Variants in ANKRD24 observed in about 807,000 individuals in gnomAD.
ANKRD24 encodes the protein ankyrin repeat domain 24, also known as ankyrin repeat domain-containing protein 24.
Under a neutral mutation model 127.8 loss-of-function variants are expected in ANKRD24, and 109 were observed. The ratio of observed to expected loss-of-function variants is 0.85; its 90% CI spans 0.73 to 1.00. The LOEUF is 1.00. ANKRD24 is among the 50% of genes least tolerant of loss of function. ANKRD24 has a pLI of 0.00. For missense variants in ANKRD24, 1,648 were observed against 1,570.2 expected (o/e 1.05, Z -0.84); for synonymous variants, 743 against 671.1 (o/e 1.11, Z -1.66).
intron 2 of ANKRD24, among the ~76,000 whole-genome samples, chr19:4,197,008 C>T (rs1476494045): frequency 1.3e-5 from 2 of 152,150 alleles, no homozygotes; most frequent in Admixed American, 6.6e-5. Flanking sequence ...AGGAACGAGT[C>T]ACAGTTTTAT....
chr19:4,207,506 C>T lies in ANKRD24; in HGVS notation c.543C>T (p.Gly181=), dbSNP rs764453707. The T allele has an allele frequency of 4.3e-6, 7 of 1,613,638 alleles. No individual in the cohort carries two copies. Among genetic ancestry groups the T allele is most frequent in the African/African-American group, 1.3e-5 (1 of 74,904 alleles). ...TCCCTCCTCCTCCCTACCAGTCAGG[C>T]GCAACACCCCTCATTATAGCAGCTC... ...KAHLNPQDRS[G]ATPLIIAAQM... Residue 181 remains glycine (G), a synonymous_variant, in exon 9 of 22, where the codon GGC becomes GGT. Coordinates refer to ENST00000318934, the MANE Select transcript of ANKRD24 (RefSeq NM_001393985.1).
chr19:4,223,425 C>T (rs562076670), intron 20 of ANKRD24, among the ~76,000 whole-genome samples: 92 of 99,790 alleles, frequency 9.2e-4, no homozygotes, highest in Non-Finnish European at 1.6e-3. Context: ...TTTTTTGAGC[C>T]AGTCTCACTC....
At position 4,217,754 on chromosome 19, in the gene ANKRD24, A is replaced by AGCAGCAGCGCACGGCGGC; in HGVS notation, c.2595_2612dup (p.Gln866_Ala871dup). 1 of 1,299,502 alleles carries AGCAGCAGCGCACGGCGGC rather than the reference A, an allele frequency of 7.7e-7. No homozygotes were observed. Among genetic ancestry groups the AGCAGCAGCGCACGGCGGC allele is most frequent in the Non-Finnish European group, 9.7e-7 (1 of 1,027,848 alleles). 80.5% of individuals were successfully genotyped at this position (1,299,502 alleles called of 1,614,324 possible). A position where few individuals can be genotyped will look rare whatever the true frequency, so the allele number is the denominator to read the frequency against. Reference sequence around the variant, plus strand: ...CTGGCCACGGCCAGGGCCACGGGGGAGCAGCAGCGCACGGCGGCCGCGGAA... The same window carrying AGCAGCAGCGCACGGCGGC: ...CTGGCCACGGCCAGGGCCACGGGGGAGCAGCAGCGCACGGCGGCGCAGCAGCGCACGGCGGCCGCGGAA... On this transcript the variant is annotated inframe_insertion, in exon 18 of 22. Coordinates refer to ENST00000318934, the MANE Select transcript of ANKRD24 (RefSeq NM_001393985.1).
intron 7 of ANKRD24, among the ~76,000 whole-genome samples, chr19:4,203,706 G>A (rs1036994253): frequency 2.0e-5 from 3 of 151,612 alleles, no homozygotes; most frequent in Non-Finnish European, 4.4e-5. Context: ...GAGTGCAATG[G>A]CGCAATCTTG....
Position 4,217,145 on chromosome 19 carries a change from C to T in ANKRD24, c.1985C>T (p.Ala662Val). Residue 662 changes from alanine (A) to valine (V), a missense_variant, in exon 18 of 22, where the codon GCA becomes GTA. Transcript: ENST00000318934. Reference sequence around the variant, plus strand: ...GCCTACGGAGTGGGTGCTGGGCAAGCAGAGCCCCCAGTCACAGGGACCACA... The same window carrying T: ...GCCTACGGAGTGGGTGCTGGGCAAGTAGAGCCCCCAGTCACAGGGACCACA... ...MQAYGVGAGQ[A>V]EPPVTGTTNM... 1 of 1,613,332 alleles carries T rather than the reference C, an allele frequency of 6.2e-7. No homozygotes were observed. Among genetic ancestry groups the T allele is most frequent in the Non-Finnish European group, 8.5e-7 (1 of 1,179,672 alleles).
intron 7 of ANKRD24, 161 bp from the exon 8 acceptor site, chr19:4,207,081 T>G: frequency 1.7e-5 from 10 of 594,914 alleles, no homozygotes; most frequent in East Asian, 5.7e-5. Flanking sequence ...CCAGATAATG[T>G]TTGCTTTTTT....
At chr19:4,214,465 A>G (rs1411421144) in intron 15 of ANKRD24, among the ~76,000 whole-genome samples, 2 of 152,114 alleles carry the variant, frequency 1.3e-5, no homozygotes, top group Non-Finnish European at 2.9e-5. Context: ...AAAACACACA[A>G]TTATGCAAAC....
rs1482521734 is a variant in ANKRD24 at position 4,224,089 on chromosome 19, C to T, written c.3298-38C>T. 2.5e-6 allele frequency: 4 copies of T among 1,590,190 alleles called. No individual in the cohort carries two copies. In the Admixed American group the frequency reaches 6.9e-5, roughly 27 times the overall value. On this transcript the variant is annotated intron_variant, in intron 20 of 21. Coordinates refer to ENST00000318934, the MANE Select transcript of ANKRD24 (RefSeq NM_001393985.1). ...GTGTGTTTTGCTCAGTGGGGAGGTGCTCCTGCTCTTCTGAGCGCCCCTTCC... is the reference window on the plus strand; with the variant it reads ...GTGTGTTTTGCTCAGTGGGGAGGTGTTCCTGCTCTTCTGAGCGCCCCTTCC...
At chr19:4,202,398 G>T (rs759045771) in intron 6 of ANKRD24, among the ~76,000 whole-genome samples, 5 of 151,928 alleles carry the variant, frequency 3.3e-5, no homozygotes, top group African/African-American at 1.2e-4. Context: ...GTGAAACCCC[G>T]TCTCTACTAA....
At chr19:4,196,290 G>T (rs1390021721) in intron 2 of ANKRD24, among the ~76,000 whole-genome samples, 1 of 152,150 alleles carries the variant, frequency 6.6e-6, no homozygotes, top group Non-Finnish European at 1.5e-5. Context: ...CCTGTCACCT[G>T]TCTGCTGCGT....
intron 20 of ANKRD24, among the ~76,000 whole-genome samples, chr19:4,223,401 A>ATATATT (rs1192232980): frequency 1.7e-4 from 9 of 53,320 alleles, no homozygotes; most frequent in South Asian, 6.7e-4. Flanking sequence ...ATATATATAT[A>ATATATT]TTTTTTTTTT....
intron 2 of ANKRD24, among the ~76,000 whole-genome samples, chr19:4,186,804 C>T (rs1440470913): frequency 6.6e-6 from 1 of 152,082 alleles, no homozygotes; most frequent in Non-Finnish European, 1.5e-5. Flanking sequence ...CCCACTTTCC[C>T]GAGGATCCTG....
At position 4,207,413 on chromosome 19, in the gene ANKRD24, A is replaced by G. The variant is rs935922484; in HGVS notation, c.538-88A>G. 2.5e-6 allele frequency: 4 copies of G among 1,575,070 alleles called. No homozygotes were observed. The African/African-American group carries it at 5.4e-5, about 21-fold the overall frequency. ...CCCTTTGAAAGTCTGAGAAAGTTTG[A>G]GGTGAAACTCAAGGGCAGTTATATA... On this transcript the variant is annotated intron_variant, in intron 8 of 21. Transcript: ENST00000318934.
intron 13 of ANKRD24, among the ~76,000 whole-genome samples, chr19:4,211,680 T>C (rs1969749925): frequency 6.6e-6 from 1 of 151,650 alleles, no homozygotes; most frequent in Middle Eastern, 3.4e-3. Flanking sequence ...ACAAAAACAA[T>C]CTTGTTGAGT....
chr19:4,201,023 G>A (rs1969067671), intron 5 of ANKRD24, among the ~76,000 whole-genome samples: 1 of 152,100 alleles, frequency 6.6e-6, no homozygotes, highest in South Asian at 2.1e-4. Flanking sequence ...AAGTATCTGG[G>A]GCAAGAGAAT....
intron 7 of ANKRD24, among the ~76,000 whole-genome samples, chr19:4,205,109 G>A (rs1378326411): frequency 6.6e-6 from 1 of 152,172 alleles, no homozygotes; most frequent in Non-Finnish European, 1.5e-5. Context: ...ATGGAGGCAT[G>A]TGCCTGTAAT....
chr19:4,201,939 T>C, intron 5 of ANKRD24, 87 bp from the exon 6 acceptor site: 1 of 1,168,156 alleles, frequency 8.6e-7, no homozygotes, highest in Non-Finnish European at 1.3e-6. Flanking sequence ...ACTCAGAAAC[T>C]CATCACAAGT....
intron 1 of ANKRD24, among the ~76,000 whole-genome samples, chr19:4,184,660 T>C (rs1405284550): frequency 6.6e-6 from 1 of 152,194 alleles, no homozygotes; most frequent in Non-Finnish European, 1.5e-5. Context: ...AACTCCTCTG[T>C]TGGGTGTCTT....
intron 9 of ANKRD24, 32 bp downstream of exon 9, chr19:4,207,639 T>C: frequency 6.2e-7 from 1 of 1,607,978 alleles, no homozygotes; most frequent in Non-Finnish European, 8.5e-7. Context: ...CAGTCCACCC[T>C]ATGCTGTGTG....
Sources: allele counts gnomAD v4.1 joint callset (sites outside exome capture counted in the v4.1 genomes callset), GRCh38; gene constraint gnomAD v4.1.1; transcripts MANE v1.5; gene names NCBI Gene and HGNC (gene_info 2026-07-23, HGNC 2026-07-21).